THADA: variants seen among roughly 807,000 people sequenced by gnomAD.
The protein encoded by THADA is tRNA (32-2'-O)-methyltransferase regulator THADA.
A neutral mutation model predicts 219.8 loss-of-function variants in THADA; 213 were observed. That is an observed-to-expected ratio of 0.97 (90% CI 0.87 to 1.09). The LOEUF is 1.09. Ranked by LOEUF, THADA falls within the 50% of genes least tolerant of loss-of-function variation. The pLI, the probability that THADA is intolerant of heterozygous loss-of-function variation, is 0.00. For missense variants in THADA, 2,956 were observed against 2,311.3 expected, an observed-to-expected ratio of 1.28 and a Z score of -5.72; for synonymous variants, 1,018 against 828.9, an observed-to-expected ratio of 1.23 and a Z score of -3.92.
Position 43,556,566 on chromosome 2 carries a change from G to A in THADA, c.2464-11C>T, listed in dbSNP as rs747018309. The A allele has an allele frequency of 6.2e-7, 1 of 1,609,300 alleles. No homozygotes were observed. The highest frequency in any genetic ancestry group is 8.5e-7 in the Non-Finnish European group (1 of 1,177,624). ...CAGTTTCCCCGAATCCTAGAATAAA[G>A]CGCAGACTCAGTAACTGTCAAATTA... is the stretch of plus-strand genomic sequence containing the variant. On this transcript the variant is annotated splice_polypyrimidine_tract_variant and intron_variant, in intron 16 of 37. Coordinates refer to ENST00000405975, the MANE Select transcript of THADA (RefSeq NM_022065.5).
intron 28 of THADA, among the ~76,000 whole-genome samples, chr2:43,418,979 A>G (rs1290488797): frequency 1.3e-5 from 2 of 152,194 alleles, no homozygotes; most frequent in Non-Finnish European, 1.5e-5. Flanking sequence ...GCCAGGCTGC[A>G]GTGGGTTAAG....
chr2:43,340,825 T>A (rs1483602391), intron 30 of THADA, among the ~76,000 whole-genome samples: 1 of 151,988 alleles, frequency 6.6e-6, no homozygotes, highest in Non-Finnish European at 1.5e-5. Context: ...AAGACAGGGG[T>A]CTGTTCTGAG....
intron 10 of THADA, 72 bp downstream of exon 10, chr2:43,576,950 C>A: frequency 7.2e-7 from 1 of 1,388,710 alleles, no homozygotes. Flanking sequence ...CAAGCCACTC[C>A]AGCTTTTGGA....
intron 25 of THADA, chr2:43,486,329 A>G (rs2105016407): frequency 6.6e-6 from 1 of 152,272 alleles, no homozygotes; most frequent in Non-Finnish European, 1.5e-5. Context: ...TTCCAAACCA[A>G]TGTGTCAAGA....
intron 29 of THADA, among the ~76,000 whole-genome samples, chr2:43,358,242 C>G (rs1219194553): frequency 3.9e-5 from 6 of 152,096 alleles, no homozygotes; most frequent in Non-Finnish European, 8.8e-5. Flanking sequence ...AAAATATATT[C>G]TTTTTTTGTC....
intron 29 of THADA, among the ~76,000 whole-genome samples, chr2:43,357,718 T>G (rs1309612993): frequency 3.3e-5 from 5 of 152,168 alleles, no homozygotes; most frequent in African/African-American, 4.8e-5. Context: ...AGTTGTAGAT[T>G]TATATAGACT....
At chr2:43,279,647 T>A (rs1050459686) in intron 36 of THADA, 118 bp downstream of exon 36, 2 of 1,327,084 alleles carry the variant, frequency 1.5e-6, no homozygotes, top group African/African-American at 1.5e-5. Flanking sequence ...GATGGCAGAG[T>A]TGAGACACAG....
chr2:43,356,511 G>A (rs1304978351), intron 29 of THADA, among the ~76,000 whole-genome samples: 2 of 152,128 alleles, frequency 1.3e-5, no homozygotes, highest in African/African-American at 4.8e-5. Context: ...GAAACCAGGG[G>A]TAAAATATCT....
Position 43,556,225 on chromosome 2 carries a change from T to C in THADA, c.2674+120A>G, listed in dbSNP as rs574180414. 463 of 1,504,734 alleles carry C rather than the reference T, an allele frequency of 3.1e-4. 1 individual carries two copies. In the African/African-American group the frequency reaches 6.0e-3, roughly 19 times the overall value. 93.2% of individuals were successfully genotyped at this position (1,504,734 alleles called of 1,614,324 possible). A position where few individuals can be genotyped will look rare whatever the true frequency, so the allele number is the denominator to read the frequency against. On this transcript the variant is annotated intron_variant, in intron 17 of 37. Coordinates refer to ENST00000405975, the MANE Select transcript of THADA (RefSeq NM_022065.5). ...ATAATGAGAACCCATGGTGCTCTTA[T>C]ATGCTGATAAACTTTTAAATAAAAA...
At chr2:43,414,356 A>C (rs1676679145) in intron 28 of THADA, among the ~76,000 whole-genome samples, 1 of 152,192 alleles carries the variant, frequency 6.6e-6, no homozygotes, top group South Asian at 2.1e-4. Context: ...TGATGCGTGG[A>C]TATCTAGTCA....
intron 29 of THADA, among the ~76,000 whole-genome samples, chr2:43,379,419 T>A (rs1416242297): frequency 6.6e-6 from 1 of 152,120 alleles, no homozygotes; most frequent in Non-Finnish European, 1.5e-5. Flanking sequence ...TTCAATGACA[T>A]CAGGAATCAT....
intron 26 of THADA, among the ~76,000 whole-genome samples, chr2:43,454,568 C>A (rs770507127): frequency 2.1e-4 from 32 of 151,602 alleles, no homozygotes; most frequent in Non-Finnish European, 3.4e-4. Context: ...CAACACTGCA[C>A]CCCAGCTTCA....
Position 43,231,481 on chromosome 2 carries a change from A to G in THADA, c.5467-138T>C, listed in dbSNP as rs186952176. 3.1e-4 allele frequency: 237 copies of G among 758,960 alleles called. 1 individual carries two copies. The African/African-American group carries it at 3.9e-3, about 13-fold the overall frequency. The allele number at this position is 758,960 out of a possible 1,614,324, so 47.0% of individuals were successfully genotyped here. A position where few individuals can be genotyped will look rare whatever the true frequency, so the allele number is the denominator to read the frequency against. ...ACAGAGGGTGCACTCTTGCCTGTCA[A>G]CATCCATGTACACACACCACTTGCA... On this transcript the variant is annotated intron_variant, in intron 37 of 37. Transcript: ENST00000405975.
At chr2:43,408,233 C>G (rs1035839000) in intron 28 of THADA, 1 of 152,186 alleles carries the variant, frequency 6.6e-6, no homozygotes, top group Admixed American at 6.6e-5. Flanking sequence ...GGCAGTGTCC[C>G]CTGGTATCCT....
At chr2:43,473,469 G>A (rs188985978) in intron 26 of THADA, among the ~76,000 whole-genome samples, 22 of 152,134 alleles carry the variant, frequency 1.4e-4, no homozygotes, top group East Asian at 5.8e-4. Flanking sequence ...GGACCCGCCC[G>A]AGCCAGTTTT....
chr2:43,318,315 T>C (rs1678307231), intron 31 of THADA, among the ~76,000 whole-genome samples: 2 of 152,136 alleles, frequency 1.3e-5, no homozygotes, highest in South Asian at 4.1e-4. Context: ...TGCTGAATTA[T>C]GGGCTTGAGC....
chr2:43,314,589 C>T (rs544812197), intron 31 of THADA, among the ~76,000 whole-genome samples: 1 of 152,154 alleles, frequency 6.6e-6, no homozygotes, highest in Non-Finnish European at 1.5e-5. Context: ...AAATTTCCAA[C>T]CTGAGAGCAA....
chr2:43,512,276 G>A (rs780810289), intron 22 of THADA, among the ~76,000 whole-genome samples: 12 of 152,006 alleles, frequency 7.9e-5, no homozygotes, highest in Non-Finnish European at 1.3e-4. Context: ...CAGCTTTTAC[G>A]CAGAATTCTT....
chr2:43,407,231 C>T, intron 28 of THADA, among the ~76,000 whole-genome samples: 1 of 152,082 alleles, frequency 6.6e-6, no homozygotes, highest in East Asian at 1.9e-4. Flanking sequence ...AGTTCACAAA[C>T]ACAGGAATGG....
Sources: gnomAD v4.1 joint callset for allele counts (sites outside exome capture counted in the v4.1 genomes callset) on GRCh38, gnomAD v4.1.1 for gene constraint, MANE v1.5 for transcripts, NCBI Gene and HGNC (gene_info 2026-07-23, HGNC 2026-07-21) for gene names.